ZNF574: variants seen among roughly 807,000 people sequenced by gnomAD.
The protein encoded by ZNF574 is zinc finger protein 574.
A neutral mutation model predicts 56.6 loss-of-function variants in ZNF574; 25 were observed. That is an observed-to-expected ratio of 0.44 (90% CI 0.32 to 0.62). The LOEUF (loss-of-function observed/expected upper bound fraction) is 0.62. ZNF574 is among the 20% of genes least tolerant of loss of function. The pLI, the probability that ZNF574 is intolerant of heterozygous loss-of-function variation, is 0.04. For missense variants in ZNF574, 1,065 were observed against 1,218.9 expected, an observed-to-expected ratio of 0.87 and a Z score of 1.88; for synonymous variants, 543 against 492.1, an observed-to-expected ratio of 1.10 and a Z score of -1.37.
At chr19:42,069,798 G>A (rs1156756140) in intron 1 of ZNF574, among the ~76,000 whole-genome samples, 1 of 152,050 alleles carries the variant, frequency 6.6e-6, no homozygotes, top group African/African-American at 2.4e-5. Context: ...GTTGAGGCAA[G>A]GGCCCGGAGT....
Position 42,080,521 on chromosome 19 carries a change from C to T in ZNF574, c.1915C>T (p.Pro639Ser). The T allele has an allele frequency of 6.2e-7, 1 of 1,613,604 alleles. No individual in the cohort carries two copies. Among genetic ancestry groups the T allele is most frequent in the East Asian group, 2.2e-5 (1 of 44,874 alleles). ...TGCCGGGCGCCAGCCCCACCGCTGC[C>T]CATCCTGTGGGGCTGCCTTCCCCTC... ...VHAGRQPHRC[P>S]SCGAAFPSSL... Residue 639 changes from proline to serine, a missense_variant, in exon 2 of 2, where the codon CCA (proline) becomes TCA (serine). Pro to Ser is a moderately conservative substitution (Grantham distance 74). Coordinates refer to ENST00000359044, the MANE Select transcript of ZNF574 (RefSeq NM_022752.6). This position sits in a 1 kb window ranked among gnomAD's most constrained non-coding sequence, Gnocchi z 8.5.
chr19:42,077,510 G>C (rs1043945968), intron 1 of ZNF574, among the ~76,000 whole-genome samples: 2 of 152,164 alleles, frequency 1.3e-5, no homozygotes, highest in Non-Finnish European at 2.9e-5. Context: ...GGGGGGCTCT[G>C]TTTGCAAGAG....
At chr19:42,068,848 G>C in exon 1 of ZNF574, 2 of 681,034 alleles carry the variant, frequency 2.9e-6, no homozygotes, top group East Asian at 2.8e-5. Context: ...GGTGGGGACA[G>C]GGCCAAGGCC....
In ZNF574 at chr19:42,080,047, C is replaced by A; in HGVS notation, c.1441C>A (p.Leu481Met). The stretch of plus-strand genomic sequence containing the variant: ...CCGTGAATTTGGAAAGGCCTTGCAG[C>A]TGACCCGGCACCAACGTTTTGTGCA... ...CSREFGKALQ[L>M]TRHQRFVHRL... Residue 481 changes from leucine to methionine, a missense_variant, in exon 2 of 2, where the codon CTG (leucine) becomes ATG (methionine). Physicochemically the swap from Leu to Met is conservative, Grantham distance 15 (BLOSUM62 2). Transcript: ENST00000359044. This position sits in a 1 kb window ranked among gnomAD's most constrained non-coding sequence, Gnocchi z 8.5. The A allele has an allele frequency of 6.2e-7, 1 of 1,614,184 alleles. No homozygotes were observed. The highest frequency in any genetic ancestry group is 8.5e-7 in the Non-Finnish European group (1 of 1,180,046).
chr19:42,074,011 T>C (rs146488582), upstream of ZNF574, among the ~76,000 whole-genome samples: 168 of 151,628 alleles, frequency 1.1e-3, 3 homozygotes, highest in African/African-American at 3.8e-3. Flanking sequence ...TGTCTGCCTG[T>C]AGTCCCAGCT....
intron 1 of ZNF574, chr19:42,070,737 C>T (rs1053593814): frequency 5.2e-5 from 8 of 152,472 alleles, no homozygotes; most frequent in African/African-American, 1.9e-4. Context: ...AGACCTCCCG[C>T]GAAGGAAAAC....
chr19:42,079,232 T>C lies in ZNF574; in HGVS notation c.626T>C (p.Val209Ala), dbSNP rs1599877009. 1 of 1,613,986 alleles carries C rather than the reference T, an allele frequency of 6.2e-7. No homozygotes were observed. The highest frequency in any genetic ancestry group is 8.5e-7 in the Non-Finnish European group (1 of 1,179,986). ...ACCACCACTGAGGTAGTGACTGAGGTGGAGCTGCTCCTCTACAAGTGCTCT... is the reference window on the plus strand; with the variant it reads ...ACCACCACTGAGGTAGTGACTGAGGCGGAGCTGCTCCTCTACAAGTGCTCT... Reference protein sequence around the residue: ...AATTTEVVTEVELLLYKCSEC... With the variant: ...AATTTEVVTEAELLLYKCSEC... The change falls in exon 2 of 2, where the codon GTG (valine) becomes GCG (alanine). Residue 209 changes from valine to alanine, a missense_variant. Coordinates refer to ENST00000359044, the MANE Select transcript of ZNF574 (RefSeq NM_022752.6). The surrounding 1 kb of genome is among the most constrained non-coding windows in gnomAD (Gnocchi z 4.3).
In ZNF574 at chr19:42,080,230, C is replaced by T. The variant is rs1435572738; in HGVS notation, c.1624C>T (p.Arg542Trp). The change falls in exon 2 of 2, where the codon CGG becomes TGG. Residue 542 changes from arginine to tryptophan, a missense_variant. Arg to Trp is a moderately radical substitution (Grantham distance 101). Transcript: ENST00000359044. The surrounding 1 kb of genome is among the most constrained non-coding windows in gnomAD (Gnocchi z 8.5). The part of the protein sequence containing the change: ...FNSPANLARH[R>W]LTHTGERPYR... ...CTCACCTGCCAACCTGGCCCGCCAC[C>T]GGCTCACACACACAGGAGAGCGGCC... 4 of 1,614,152 alleles carry T rather than the reference C, an allele frequency of 2.5e-6. No individual in the cohort carries two copies. Among genetic ancestry groups the T allele is most frequent in the South Asian group, 1.1e-5 (1 of 91,082 alleles).
upstream of ZNF574, among the ~76,000 whole-genome samples, chr19:42,073,642 CA>C (rs367695568): frequency 3.2e-4 from 48 of 151,158 alleles, no homozygotes; most frequent in African/African-American, 1.0e-3. Flanking sequence ...GCCAATGTGG[CA>C]AAAACCCATC....
chr19:42,068,685 G>A (rs941038393), exon 1 of ZNF574: 3 of 443,674 alleles, frequency 6.8e-6, no homozygotes, highest in African/African-American at 6.1e-5. Flanking sequence ...GAGGAGTTCT[G>A]ACAGAGAGAG....
chr19:42,073,640 G>C (rs1403805906), upstream of ZNF574, among the ~76,000 whole-genome samples: 1 of 150,752 alleles, frequency 6.6e-6, no homozygotes, highest in African/African-American at 2.4e-5. Context: ...CAGCCAATGT[G>C]GCAAAAACCC....
At position 42,080,243 on chromosome 19, in the gene ZNF574, C is replaced by A; in HGVS notation, c.1637C>A (p.Thr546Lys). The change falls in exon 2 of 2, where the codon ACA (threonine) becomes AAA (lysine). Residue 546 changes from threonine to lysine, a missense_variant. Coordinates refer to ENST00000359044, the MANE Select transcript of ZNF574 (RefSeq NM_022752.6). The surrounding 1 kb of genome is among the most constrained non-coding windows in gnomAD (Gnocchi z 8.5). The stretch of plus-strand genomic sequence containing the variant: ...CTGGCCCGCCACCGGCTCACACACA[C>A]AGGAGAGCGGCCCTACCGGTGTGGG... The part of the protein sequence containing the change: ...ANLARHRLTH[T>K]GERPYRCGDC... The A allele has an allele frequency of 6.2e-7, 1 of 1,614,176 alleles. No individual in the cohort carries two copies. The highest frequency in any genetic ancestry group is 8.5e-7 in the Non-Finnish European group (1 of 1,180,034).
intron 1 of ZNF574, 40 bp downstream of exon 1, chr19:42,076,326 C>T (rs2076454960): frequency 6.6e-6 from 1 of 151,968 alleles, no homozygotes; most frequent in South Asian, 2.1e-4. Flanking sequence ...CCGGGCTGCG[C>T]TCCCTGCCGC....
Position 42,076,173 on chromosome 19 carries a change from A to G in ZNF574, c.-134A>G, listed in dbSNP as rs187894637. On this transcript the variant is annotated 5_prime_UTR_variant, in exon 1 of 2. Coordinates refer to ENST00000359044, the MANE Select transcript of ZNF574 (RefSeq NM_022752.6). ...CTGAGGGTAGCTGGGGGCGAGAGCGAGGCTACGGAGCAGGCGAGAGGCGAC... is the reference window on the plus strand; with the variant it reads ...CTGAGGGTAGCTGGGGGCGAGAGCGGGGCTACGGAGCAGGCGAGAGGCGAC... 1 of 152,368 alleles carries G rather than the reference A, an allele frequency of 6.6e-6. No individual in the cohort carries two copies. Among genetic ancestry groups the G allele is most frequent in the Non-Finnish European group, 1.5e-5 (1 of 68,234 alleles). The allele number at this position is 152,368 out of a possible 1,614,324, so 9.4% of individuals were successfully genotyped here.
At chr19:42,069,865 GTGGAGAGCTGGGGAGGA>G (rs998454823) in intron 1 of ZNF574, among the ~76,000 whole-genome samples, 6 of 152,130 alleles carry the variant, frequency 3.9e-5, no homozygotes. Flanking sequence ...GAGCCCGGGA[GTGGAGAGCTGGGGAGGA>G]TGGAGAGCTG....
chr19:42,080,235 C>T lies in ZNF574; in HGVS notation c.1629C>T (p.Leu543=), dbSNP rs1449085039. 3.1e-6 allele frequency: 5 copies of T among 1,614,074 alleles called. No individual in the cohort carries two copies. In the East Asian group the frequency reaches 8.9e-5, roughly 29 times the overall value. The change falls in exon 2 of 2, where the codon CTC becomes CTT. Residue 543 remains leucine (L), a synonymous_variant. Transcript: ENST00000359044. The surrounding 1 kb of genome is among the most constrained non-coding windows in gnomAD (Gnocchi z 8.5). ...NSPANLARHR[L]THTGERPYRC... is the part of the protein sequence containing the mutation. ...CTGCCAACCTGGCCCGCCACCGGCT[C>T]ACACACACAGGAGAGCGGCCCTACC...
At chr19:42,075,892 C>T (rs989643005), upstream of ZNF574, among the ~76,000 whole-genome samples, 6 of 152,304 alleles carry the variant, frequency 3.9e-5, no homozygotes, top group South Asian at 6.2e-4. Flanking sequence ...CCGTCGGAGG[C>T]GGAGTCGAGG....
Position 42,080,272 on chromosome 19 carries a change from T to C in ZNF574, c.1666T>C (p.Cys556Arg). The change falls in exon 2 of 2, where the codon TGT becomes CGT. Residue 556 changes from cysteine (C) to arginine (R), a missense_variant. Transcript: ENST00000359044. This position sits in a 1 kb window ranked among gnomAD's most constrained non-coding sequence, Gnocchi z 8.5. ...TGERPYRCGD[C>R]GKAFTQSSTL... ...AGAGCGGCCCTACCGGTGTGGGGAC[T>C]GTGGCAAGGCTTTCACGCAAAGCTC... 6.2e-7 allele frequency: 1 copy of C among 1,614,106 alleles called. No individual in the cohort carries two copies.
In ZNF574 at chr19:42,078,820, C is replaced by G; in HGVS notation, c.214C>G (p.Gln72Glu). ...SGTGLYQTLV[Q>E]ESQYQCLECG... is the part of the protein sequence containing the mutation. ...CACGGGCCTCTATCAGACCCTTGTG[C>G]AGGAGAGCCAGTACCAGTGCCTGGA... Residue 72 changes from glutamine to glutamate, a missense_variant, in exon 2 of 2, where the codon CAG (glutamine) becomes GAG (glutamate). Transcript: ENST00000359044. 6.2e-7 allele frequency: 1 copy of G among 1,614,068 alleles called. No individual in the cohort carries two copies. Among genetic ancestry groups the G allele is most frequent in the Middle Eastern group, 1.7e-4 (1 of 6,056 alleles).
Sources: allele counts gnomAD v4.1 joint callset (sites outside exome capture counted in the v4.1 genomes callset), GRCh38; gene constraint gnomAD v4.1.1; non-coding constraint Gnocchi (gnomAD v3.1); transcripts MANE v1.5; gene names NCBI Gene and HGNC (gene_info 2026-07-23, HGNC 2026-07-21).